Variants in ZNF254 observed in about 807,000 individuals in gnomAD.
ZNF254 encodes the protein zinc finger protein 254.
A neutral mutation model predicts 12.4 loss-of-function variants in ZNF254; 10 were observed. The observed-to-expected ratio is 0.80, with a 90% CI of 0.50 to 1.36. ZNF254 has a LOEUF of 1.36. Among genes scored for constraint, ZNF254 ranks in the 40% most tolerant of loss-of-function variants. The probability of loss-of-function intolerance (pLI) is 0.00; values close to 1 mark genes in which losing one functional copy is unlikely to be tolerated. For missense variants in ZNF254, 996 were observed against 763.9 expected, an observed-to-expected ratio of 1.30 and a Z score of -3.58; for synonymous variants, 305 against 253.4, an observed-to-expected ratio of 1.20 and a Z score of -1.93.
chr19:24,099,485 A>C (rs1972881036), intron 1 of ZNF254, among the ~76,000 whole-genome samples: 1 of 152,212 alleles, frequency 6.6e-6, no homozygotes, highest in Non-Finnish European at 1.5e-5. Context: ...CACAGTCTTC[A>C]GGGAGTAGAG....
intron 2 of ZNF254, among the ~76,000 whole-genome samples, chr19:24,056,786 G>A (rs541133388): frequency 6.6e-6 from 1 of 152,282 alleles, no homozygotes; most frequent in African/African-American, 2.4e-5. Context: ...CAGGTGATGT[G>A]ACTGTACTGT....
Position 24,106,606 on chromosome 19 carries a change from G to A in ZNF254, c.216G>A (p.Trp72Ter), listed in dbSNP as rs1973355090. ...ITCLEQGKEP[W>*]NMKRHEMVDE... is the part of the protein sequence containing the mutation. ...GTCTGGAACAAGGGAAAGAGCCCTGGAATATGAAGCGACATGAGATGGTGG... is the reference window on the plus strand; with the variant it reads ...GTCTGGAACAAGGGAAAGAGCCCTGAAATATGAAGCGACATGAGATGGTGG... Residue 72 changes from tryptophan to a stop codon, truncating the protein, a stop_gained, in exon 3 of 4, where the codon TGG becomes TGA. Transcript: ENST00000357002. LOFTEE classifies it low-confidence loss of function (END_TRUNC). 6.3e-7 allele frequency: 1 copy of A among 1,582,210 alleles called. No individual in the cohort carries two copies. Among genetic ancestry groups the A allele is most frequent in the African/African-American group, 1.3e-5 (1 of 74,150 alleles).
intron 2 of ZNF254, chr19:24,080,123 A>G (rs1438494228): frequency 6.6e-6 from 1 of 152,194 alleles, no homozygotes; most frequent in African/African-American, 2.4e-5. Flanking sequence ...AGCTTTGGAT[A>G]TGGCATTTTT....
chr19:24,105,091 G>A (rs1156619393), intron 1 of ZNF254: 1 of 152,370 alleles, frequency 6.6e-6, no homozygotes, highest in Non-Finnish European at 1.5e-5. Context: ...TGTCCTTCTG[G>A]GTGCATCAGC....
intron 3 of ZNF254, among the ~76,000 whole-genome samples, chr19:24,111,394 A>G (rs1475209797): frequency 6.6e-6 from 1 of 152,148 alleles, no homozygotes; most frequent in African/African-American, 2.4e-5. Context: ...GCTATTGTGA[A>G]TACTGCCACA....
At chr19:24,039,249 G>A (rs1970073037) in intron 1 of ZNF254, among the ~76,000 whole-genome samples, 1 of 152,194 alleles carries the variant, frequency 6.6e-6, no homozygotes, top group African/African-American at 2.4e-5. Flanking sequence ...TTTTGAGATT[G>A]TGTGAGGAGC....
chr19:24,063,601 T>C (rs1192999561), intron 2 of ZNF254, among the ~76,000 whole-genome samples: 1 of 152,192 alleles, frequency 6.6e-6, no homozygotes, highest in East Asian at 1.9e-4. Context: ...GGGATTGTAA[T>C]ATATGTCTTC....
rs559296087 is a variant in ZNF254 at position 24,117,610 on chromosome 19, G to T, written c.254-8644G>T. On this transcript the variant is annotated intron_variant, in intron 3 of 3. Coordinates refer to ENST00000357002, the MANE Select transcript of ZNF254 (RefSeq NM_203282.4). ...GATGCCGTCTGTCACCCCTTTCTTT[G>T]ACTAGGAAAGGGAACTCCCTGACCC... is the stretch of plus-strand genomic sequence containing the variant. Among the ~76,000 whole-genome samples, 24 of 152,206 alleles carry T rather than the reference G, an allele frequency of 1.6e-4. No homozygotes were observed. The South Asian group carries it at 5.0e-3, about 32-fold the overall frequency.
chr19:24,097,049 T>G (rs1972713577), intron 1 of ZNF254, among the ~76,000 whole-genome samples: 1 of 152,180 alleles, frequency 6.6e-6, no homozygotes, highest in Non-Finnish European at 1.5e-5. Flanking sequence ...CTTAAAACAT[T>G]TAGATTGTGT....
chr19:24,066,115 A>G (rs1403282029), intron 2 of ZNF254: 2 of 152,140 alleles, frequency 1.3e-5, no homozygotes, highest in African/African-American at 4.8e-5. Flanking sequence ...TACAGGGGAC[A>G]TTGTGACATG....
At position 24,044,486 on chromosome 19, in the gene ZNF254, C is replaced by T. The variant is rs62113676; in HGVS notation, c.-189-1698C>T. Among the ~76,000 whole-genome samples, 4 of 151,168 alleles carry T rather than the reference C, an allele frequency of 2.6e-5. No individual in the cohort carries two copies. The East Asian group carries it at 7.8e-4, about 29-fold the overall frequency. ...CCGGGAGGCAGAGCTTGCAGGGAGC[C>T]GAGATCGCGCCACTGCACCCCAGCC... On this transcript the variant is annotated intron_variant, in intron 1 of 4. Coordinates refer to the ZNF254 transcript ENST00000613065.
chr19:24,033,754 C>T lies in ZNF254; in HGVS notation c.-190+133C>T, dbSNP rs571310719. The T allele has an allele frequency of 1.4e-4, 28 of 201,650 alleles. No homozygotes were observed. In the East Asian group the frequency reaches 3.3e-3, roughly 23 times the overall value. The allele number at this position is 201,650 out of a possible 1,614,324, so 12.5% of individuals were successfully genotyped here. ...CAGTTCAGCCCCAGGCCCCTCTGGC[C>T]GCAAGATGGCGGCTGGGCCCGCAGC... On this transcript the variant is annotated intron_variant, in intron 1 of 4. Coordinates refer to the ZNF254 transcript ENST00000613065.
At chr19:24,065,214 T>C (rs1971226454) in intron 2 of ZNF254, among the ~76,000 whole-genome samples, 3 of 152,198 alleles carry the variant, frequency 2.0e-5, no homozygotes, top group African/African-American at 7.2e-5. Context: ...GATTGTGATA[T>C]ATTGCTGGGC....
intron 3 of ZNF254, 102 bp from the exon 4 acceptor site, chr19:24,126,152 C>G: frequency 1.3e-6 from 1 of 787,570 alleles, no homozygotes; most frequent in East Asian, 3.2e-5. Context: ...GCAATGCTAT[C>G]TTGTCTATGT....
At chr19:24,073,263 TTC>T (rs1379678158) in intron 2 of ZNF254, among the ~76,000 whole-genome samples, 3 of 152,148 alleles carry the variant, frequency 2.0e-5, no homozygotes, top group Non-Finnish European at 1.5e-5. Flanking sequence ...ACAGTAAAAA[TTC>T]TGTTACATGT....
intron 2 of ZNF254, among the ~76,000 whole-genome samples, chr19:24,078,227 C>T (rs571114455): frequency 7.2e-5 from 11 of 152,130 alleles, no homozygotes; most frequent in Admixed American, 6.6e-4. Flanking sequence ...TAGTAGAGAT[C>T]GGGTTTCACC....
intron 3 of ZNF254, among the ~76,000 whole-genome samples, chr19:24,123,393 T>G (rs1027384615): frequency 6.6e-6 from 1 of 152,136 alleles, no homozygotes. Context: ...TGTCGAGGAG[T>G]GTTCTCCATA....
intron 2 of ZNF254, chr19:24,066,143 C>T (rs1971260858): frequency 6.6e-6 from 1 of 152,146 alleles, no homozygotes; most frequent in Non-Finnish European, 1.5e-5. Context: ...ATTCCTCATC[C>T]AGGAGATGTG....
intron 3 of ZNF254, among the ~76,000 whole-genome samples, chr19:24,108,857 G>C (rs1973491336): frequency 6.6e-6 from 1 of 152,110 alleles, no homozygotes; most frequent in African/African-American, 2.4e-5. Flanking sequence ...ATGCAGGCAG[G>C]CAAAAAGGAA....
Sources: gnomAD v4.1 joint callset for allele counts (sites outside exome capture counted in the v4.1 genomes callset) on GRCh38, gnomAD v4.1.1 for gene constraint, MANE v1.5 for transcripts, NCBI Gene and HGNC (gene_info 2026-07-23, HGNC 2026-07-21) for gene names.